Variants in CNTNAP5 observed in about 807,000 individuals in gnomAD.
The protein encoded by CNTNAP5 is contactin associated protein family member 5, also known as contactin-associated protein-like 5.
In CNTNAP5, 72 loss-of-function variants were observed where a neutral mutation model predicts 150.2. That is an observed-to-expected ratio of 0.48 (90% confidence interval 0.40 to 0.58). CNTNAP5 has a LOEUF of 0.58. Among genes scored for constraint, CNTNAP5 ranks in the 20% least tolerant of loss-of-function variants. The pLI, the probability that CNTNAP5 is intolerant of heterozygous loss-of-function variation, is 0.00. For missense variants in CNTNAP5, 1,636 were observed against 1,626.2 expected (o/e 1.01, Z -0.10); for synonymous variants, 672 against 619.8 (o/e 1.08, Z -1.25).
chr2:124,766,118 T>G (rs903525324), intron 16 of CNTNAP5, among the ~76,000 whole-genome samples: 1 of 152,178 alleles, frequency 6.6e-6, no homozygotes, highest in Non-Finnish European at 1.5e-5. Context: ...GTATTTTTAG[T>G]GACGTTTGCT....
chr2:124,298,502 A>G (rs1283270455), intron 3 of CNTNAP5, among the ~76,000 whole-genome samples: 1 of 152,202 alleles, frequency 6.6e-6, no homozygotes, highest in African/African-American at 2.4e-5. Context: ...ATAAGTGATT[A>G]ACTTCCTCTA....
chr2:124,625,131 G>T (rs1677692539), intron 12 of CNTNAP5, among the ~76,000 whole-genome samples: 1 of 152,102 alleles, frequency 6.6e-6, no homozygotes, highest in Non-Finnish European at 1.5e-5. Context: ...GGCCTGCATT[G>T]CCCTGTCTCT....
intron 13 of CNTNAP5, among the ~76,000 whole-genome samples, chr2:124,672,497 T>A (rs1308003366): frequency 6.6e-6 from 1 of 152,082 alleles, no homozygotes. Flanking sequence ...ATCATTGAGG[T>A]TGGCTTCTAC....
intron 22 of CNTNAP5, among the ~76,000 whole-genome samples, chr2:124,904,942 GCAATCTACA>G: frequency 6.7e-6 from 1 of 149,442 alleles, no homozygotes; most frequent in South Asian, 2.1e-4. Context: ...AAAGGAAAAG[GCAATCTACA>G]GAATTGGAAA....
Position 124,819,313 on chromosome 2 carries a change from T to A in CNTNAP5, c.3217+20993T>A, listed in dbSNP as rs536735844. 2.6e-5 allele frequency among the ~76,000 whole-genome samples: 4 copies of A among 152,214 alleles called. No homozygotes were observed. In the East Asian group the frequency reaches 7.7e-4, roughly 29 times the overall value. Reference sequence around the variant, plus strand: ...ATTCAGTTGACTGAATGATTGAAAGTCTGGTTTAGCTTTTACATTAGTCAT... The same window carrying A: ...ATTCAGTTGACTGAATGATTGAAAGACTGGTTTAGCTTTTACATTAGTCAT... On this transcript the variant is annotated intron_variant, in intron 19 of 23. Coordinates refer to ENST00000682447, the MANE Select transcript of CNTNAP5 (RefSeq NM_001367498.1).
chr2:124,822,093 AAC>A (rs1682503480), intron 19 of CNTNAP5, among the ~76,000 whole-genome samples: 1 of 152,078 alleles, frequency 6.6e-6, no homozygotes, highest in African/African-American at 2.4e-5. Context: ...CATTTATTAC[AAC>A]TGACTGTCTG....
chr2:124,660,267 G>C, intron 13 of CNTNAP5, among the ~76,000 whole-genome samples: 1 of 152,146 alleles, frequency 6.6e-6, no homozygotes, highest in African/African-American at 2.4e-5. Flanking sequence ...GGCTAGGTAG[G>C]CATCTATCTT....
chr2:124,882,643 A>G (rs1472883420), intron 21 of CNTNAP5, among the ~76,000 whole-genome samples: 1 of 152,106 alleles, frequency 6.6e-6, no homozygotes, highest in Non-Finnish European at 1.5e-5. Flanking sequence ...AAATATGCAC[A>G]TTTCAGATGC....
intron 12 of CNTNAP5, among the ~76,000 whole-genome samples, chr2:124,619,749 C>T (rs1573501292): frequency 3.3e-5 from 5 of 150,960 alleles, no homozygotes; most frequent in Admixed American, 3.3e-4. Context: ...TCCTGGGTCT[C>T]TTGTCTGCCA....
At chr2:124,537,773 T>C (rs1410862607) in intron 10 of CNTNAP5, among the ~76,000 whole-genome samples, 2 of 152,192 alleles carry the variant, frequency 1.3e-5, no homozygotes, top group Non-Finnish European at 2.9e-5. Context: ...AACAAGTGCA[T>C]CTGTGTCCTC....
chr2:124,631,935 C>A (rs1172454541), intron 12 of CNTNAP5, among the ~76,000 whole-genome samples: 1 of 152,138 alleles, frequency 6.6e-6, no homozygotes, highest in Non-Finnish European at 1.5e-5. Context: ...AGAAAAGGCA[C>A]ACATGCGGCC....
chr2:124,064,238 T>C (rs1432651470), intron 1 of CNTNAP5, among the ~76,000 whole-genome samples: 1 of 152,132 alleles, frequency 6.6e-6, no homozygotes, highest in Non-Finnish European at 1.5e-5. Flanking sequence ...AGAATATAAC[T>C]GATACTGGAA....
At chr2:124,232,700 T>G (rs1311585023) in intron 2 of CNTNAP5, among the ~76,000 whole-genome samples, 1 of 152,178 alleles carries the variant, frequency 6.6e-6, no homozygotes, top group Non-Finnish European at 1.5e-5. Context: ...GGACTTTAAT[T>G]TTCTAGCCAA....
At chr2:124,883,404 C>T (rs1678009523) in intron 21 of CNTNAP5, among the ~76,000 whole-genome samples, 1 of 151,934 alleles carries the variant, frequency 6.6e-6, no homozygotes, top group Admixed American at 6.6e-5. Context: ...ATATTGGGAG[C>T]TGCAGAGGTT....
At chr2:124,660,444 ACAAGC>A (rs1288115031) in intron 13 of CNTNAP5, among the ~76,000 whole-genome samples, 1 of 152,206 alleles carries the variant, frequency 6.6e-6, no homozygotes, top group African/African-American at 2.4e-5. Flanking sequence ...AAAATATAGC[ACAAGC>A]CACATGGGCA....
chr2:124,520,843 C>T (rs1694833028), intron 8 of CNTNAP5, among the ~76,000 whole-genome samples: 1 of 152,200 alleles, frequency 6.6e-6, no homozygotes, highest in Admixed American at 6.5e-5. Context: ...AAAGCAATCT[C>T]ATAAGGTGAT....
At chr2:124,420,319 C>A (rs949286608) in intron 4 of CNTNAP5, among the ~76,000 whole-genome samples, 1 of 151,996 alleles carries the variant, frequency 6.6e-6, no homozygotes, top group African/African-American at 2.4e-5. Flanking sequence ...AACCTAAAAT[C>A]TTACTGTAAG....
chr2:124,194,031 A>T (rs894154501), intron 1 of CNTNAP5, among the ~76,000 whole-genome samples: 3 of 152,108 alleles, frequency 2.0e-5, no homozygotes, highest in Non-Finnish European at 4.4e-5. Flanking sequence ...CTTTCTTGCG[A>T]TAGCTTTGTG....
At chr2:124,604,628 A>G (rs751528168) in intron 11 of CNTNAP5, among the ~76,000 whole-genome samples, 4 of 152,190 alleles carry the variant, frequency 2.6e-5, no homozygotes, top group Non-Finnish European at 1.5e-5. Context: ...CCCATTAATA[A>G]ATCAGGAAGG....
Sources: gnomAD v4.1 joint callset for allele counts (sites outside exome capture counted in the v4.1 genomes callset) on GRCh38, gnomAD v4.1.1 for gene constraint, MANE v1.5 for transcripts, NCBI Gene and HGNC (gene_info 2026-07-23, HGNC 2026-07-21) for gene names.